Variants in TRPM3 observed in about 807,000 individuals in gnomAD.
TRPM3 encodes the protein long transient receptor potential channel 3.
TRPM3 carries 77 observed loss-of-function variants against 181.2 expected under a neutral mutation model. The observed-to-expected ratio is 0.42, with a 90% CI of 0.35 to 0.51. TRPM3 has a LOEUF of 0.51. Ranked by LOEUF, TRPM3 falls within the 20% of genes least tolerant of loss-of-function variation. The probability of loss-of-function intolerance (pLI) is 0.01; values close to 1 mark genes in which losing one functional copy is unlikely to be tolerated. For synonymous variants in TRPM3, 745 were observed against 796.4 expected (o/e 0.94, Z 1.09); for missense variants, 1,759 against 2,196.7 (o/e 0.80, Z 3.98).
chr9:71,197,776 A>T (rs10868973), intron 1 of TRPM3, among the ~76,000 whole-genome samples: 36,500 of 111,438 alleles, frequency 0.33, 6,942 homozygotes, highest in East Asian at 0.41. Flanking sequence ...TATTAGCCCT[A>T]TGTCAGATGA....
intron 1 of TRPM3, among the ~76,000 whole-genome samples, chr9:71,058,355 G>A (rs2060907429): frequency 6.6e-6 from 1 of 151,984 alleles, no homozygotes; most frequent in African/African-American, 2.4e-5. Context: ...TGGGAATTAG[G>A]AAGCCAAACC....
At chr9:71,325,756 C>A (rs1479964041) in intron 1 of TRPM3, among the ~76,000 whole-genome samples, 3 of 149,856 alleles carry the variant, frequency 2.0e-5, no homozygotes, top group South Asian at 2.1e-4. Context: ...ACCCACCCAC[C>A]CACACACACA....
At chr9:71,211,270 T>G (rs548035236) in intron 1 of TRPM3, among the ~76,000 whole-genome samples, 2 of 152,356 alleles carry the variant, frequency 1.3e-5, no homozygotes, top group Admixed American at 1.3e-4. Flanking sequence ...GAAGGTTCAC[T>G]GATGTTCTGC....
At chr9:70,622,205 C>T (rs947709796) in intron 14 of TRPM3, among the ~76,000 whole-genome samples, 1 of 152,156 alleles carries the variant, frequency 6.6e-6, no homozygotes, top group South Asian at 2.1e-4. Context: ...TCACCAGACA[C>T]TAAATCTGCT....
Position 71,024,913 on chromosome 9 carries a change from A to G in TRPM3, c.177+96265T>C, listed in dbSNP as rs74942673. ...TAATTTCTAAAGCTGTTTGAAAAAAAGGGAAGGAGCACAGTAGTGTGTAGG... is the reference window on the plus strand; with the variant it reads ...TAATTTCTAAAGCTGTTTGAAAAAAGGGGAAGGAGCACAGTAGTGTGTAGG... On this transcript the variant is annotated intron_variant, in intron 1 of 25. Coordinates refer to ENST00000677713, the MANE Select transcript of TRPM3 (RefSeq NM_001366145.2). Among the ~76,000 whole-genome samples the G allele has an allele frequency of 4.9e-3, 752 of 152,228 alleles. 19 individuals are homozygous for G. The East Asian group carries it at 0.078, about 16-fold the overall frequency.
At chr9:70,591,763 A>C (rs551347898) in intron 21 of TRPM3, among the ~76,000 whole-genome samples, 2 of 152,262 alleles carry the variant, frequency 1.3e-5, no homozygotes, top group African/African-American at 4.8e-5. Context: ...AAGCTAGGAT[A>C]AACCAAATAT....
At chr9:71,111,562 C>T (rs2071104363) in intron 1 of TRPM3, among the ~76,000 whole-genome samples, 2 of 152,068 alleles carry the variant, frequency 1.3e-5, no homozygotes, top group African/African-American at 4.8e-5. Flanking sequence ...AGATGTCCCC[C>T]ACAACAAAGA....
rs1483714998 is a variant in TRPM3 at position 71,080,203 on chromosome 9, T to TAAATAAATA, written c.177+40974_177+40975insTATTTATTT. Among the ~76,000 whole-genome samples, 294 of 150,022 alleles carry TAAATAAATA rather than the reference T, an allele frequency of 2.0e-3. 3 individuals carry two copies. Among genetic ancestry groups the TAAATAAATA allele is most frequent in the African/African-American group, 5.1e-3 (207 of 40,748 alleles). On this transcript the variant is annotated intron_variant, in intron 1 of 25. Transcript: ENST00000677713. ...ATAAATAAATAAATAAATAAATAAA[T>TAAATAAATA]AAATAAAATAAAAAGGGAGACTTTG...
At chr9:71,277,473 A>C (rs1178242824) in intron 1 of TRPM3, among the ~76,000 whole-genome samples, 2 of 152,194 alleles carry the variant, frequency 1.3e-5, no homozygotes, top group Non-Finnish European at 2.9e-5. Context: ...ACTGAGGTAA[A>C]AGGCAACAGG....
At chr9:70,655,366 T>C (rs576749860) in intron 9 of TRPM3, among the ~76,000 whole-genome samples, 12 of 141,602 alleles carry the variant, frequency 8.5e-5, no homozygotes, top group Non-Finnish European at 1.4e-4. Flanking sequence ...CCTTTGTGCA[T>C]ATTCACATTA....
In TRPM3 at chr9:70,987,303, T is replaced by C. The variant is rs1299092734; in HGVS notation, c.178-122792A>G. Among the ~76,000 whole-genome samples, 5 of 152,292 alleles carry C rather than the reference T, an allele frequency of 3.3e-5. No individual in the cohort carries two copies. The East Asian group carries it at 9.6e-4, about 29-fold the overall frequency. On this transcript the variant is annotated intron_variant, in intron 1 of 25. Transcript: ENST00000677713. ...TCTAGTGCTTAAGTGAAGAGAGTAA[T>C]GTCTATTCTATCCCTTTATTCAATT... is the stretch of plus-strand genomic sequence containing the variant.
intron 25 of TRPM3, among the ~76,000 whole-genome samples, chr9:70,544,494 G>C (rs932944089): frequency 6.6e-6 from 1 of 152,054 alleles, no homozygotes; most frequent in Non-Finnish European, 1.5e-5. Flanking sequence ...TACTTAGCTG[G>C]CTAATTAACC....
intron 1 of TRPM3, among the ~76,000 whole-genome samples, chr9:71,043,484 A>G (rs376160655): frequency 1.3e-5 from 2 of 152,200 alleles, no homozygotes; most frequent in Non-Finnish European, 2.9e-5. Context: ...TGGGTACAAT[A>G]GGAAGGAAAA....
chr9:71,361,636 C>T (rs573766624), intron 1 of TRPM3, among the ~76,000 whole-genome samples: 4 of 152,176 alleles, frequency 2.6e-5, no homozygotes, highest in Non-Finnish European at 5.9e-5. Flanking sequence ...CTCCTTTGGA[C>T]TAGATTGCAT....
At chr9:70,944,840 A>C (rs2096917357) in intron 1 of TRPM3, among the ~76,000 whole-genome samples, 1 of 152,038 alleles carries the variant, frequency 6.6e-6, no homozygotes, top group African/African-American at 2.4e-5. Flanking sequence ...TTATATTTTG[A>C]ATGTTTTATC....
intron 1 of TRPM3, among the ~76,000 whole-genome samples, chr9:71,375,591 T>C (rs901747036): frequency 6.6e-6 from 1 of 152,168 alleles, no homozygotes; most frequent in African/African-American, 2.4e-5. Flanking sequence ...ACAGACAACC[T>C]ACAGAATGGG....
rs116540943 is a variant in TRPM3 at position 71,315,446 on chromosome 9, T to C, written c.183+131207A>G. Among the ~76,000 whole-genome samples, 895 of 152,218 alleles carry C rather than the reference T, an allele frequency of 5.9e-3. 12 individuals carry two copies. The highest frequency in any genetic ancestry group is 0.02 in the African/African-American group (821 of 41,530). ...CCCATACATTTGAAACTGAGAAATT[T>C]CCCATGACACGAACTTATCTTTCTA... On this transcript the variant is annotated intron_variant, in intron 1 of 24. Coordinates refer to the TRPM3 transcript ENST00000357533.
At chr9:70,854,338 C>G (rs939073038) in intron 3 of TRPM3, among the ~76,000 whole-genome samples, 11 of 152,162 alleles carry the variant, frequency 7.2e-5, no homozygotes, top group Admixed American at 3.3e-4. Flanking sequence ...ATTGCAAGTC[C>G]TTTGGCAATT....
At chr9:71,044,073 A>G (rs2059147140) in intron 1 of TRPM3, among the ~76,000 whole-genome samples, 1 of 152,090 alleles carries the variant, frequency 6.6e-6, no homozygotes, top group Admixed American at 6.5e-5. Context: ...TTCCATAATT[A>G]AATCTCACCT....
Sources: allele counts gnomAD v4.1 joint callset (sites outside exome capture counted in the v4.1 genomes callset), GRCh38; gene constraint gnomAD v4.1.1; transcripts MANE v1.5; gene names NCBI Gene and HGNC (gene_info 2026-07-23, HGNC 2026-07-21).